DPH6: variants seen among roughly 807,000 people sequenced by gnomAD.
The protein encoded by DPH6 is diphthamine biosynthesis 6, also known as diphthine--ammonia ligase.
DPH6 carries 33 observed loss-of-function variants against 38.2 expected under a neutral mutation model. That is an observed-to-expected ratio of 0.86 (90% confidence interval 0.65 to 1.15). The LOEUF (loss-of-function observed/expected upper bound fraction) is 1.15, where lower values mean the gene tolerates loss of function less well. DPH6 is among the 50% of genes most tolerant of loss of function. The probability of loss-of-function intolerance (pLI) is 0.00; values close to 1 mark genes in which losing one functional copy is unlikely to be tolerated. For missense variants in DPH6, 325 were observed against 320.0 expected, an observed-to-expected ratio of 1.02 and a Z score of -0.12; for synonymous variants, 108 against 103.0, an observed-to-expected ratio of 1.05 and a Z score of -0.30.
intron 7 of DPH6, among the ~76,000 whole-genome samples, chr15:35,379,257 G>A (rs1020947341): frequency 1.3e-5 from 2 of 152,062 alleles, no homozygotes; most frequent in African/African-American, 4.8e-5. Flanking sequence ...AAATAAGTCT[G>A]CATGTAAAAT....
At chr15:35,392,615 G>A (rs142610197) in intron 6 of DPH6, among the ~76,000 whole-genome samples, 37 of 152,322 alleles carry the variant, frequency 2.4e-4, no homozygotes, top group African/African-American at 7.9e-4. Context: ...AAAAATGGGA[G>A]CAGCCATGTA....
At chr15:35,506,934 T>C (rs2054702207) in intron 3 of DPH6, among the ~76,000 whole-genome samples, 1 of 137,936 alleles carries the variant, frequency 7.2e-6, no homozygotes, top group Admixed American at 7.6e-5. Flanking sequence ...GTGACAGTGT[T>C]AAAAAATATG....
At chr15:35,341,252 T>C (rs2052419441) in intron 3 of DPH6, among the ~76,000 whole-genome samples, 1 of 152,222 alleles carries the variant, frequency 6.6e-6, no homozygotes, top group Non-Finnish European at 1.5e-5. Context: ...CCAGAATGGC[T>C]ATTCTGGCTA....
chr15:35,489,554 T>C, intron 3 of DPH6: 1 of 983,276 alleles, frequency 1.0e-6, no homozygotes, highest in Non-Finnish European at 1.2e-6. Context: ...TCTATATCTT[T>C]CTCATGTTTA....
At chr15:35,289,045 T>C (rs904140846) in intron 3 of DPH6, among the ~76,000 whole-genome samples, 10 of 152,210 alleles carry the variant, frequency 6.6e-5, no homozygotes, top group African/African-American at 2.4e-4. Context: ...GACTGTTGGA[T>C]ACCTGTATTC....
intron 3 of DPH6, among the ~76,000 whole-genome samples, chr15:35,293,450 C>G (rs1398082903): frequency 6.6e-6 from 1 of 152,186 alleles, no homozygotes; most frequent in African/African-American, 2.4e-5. Context: ...TTCCAACACT[C>G]TGAGCAGGAG....
the DPH6 span, among the ~76,000 whole-genome samples, chr15:35,147,430 T>G: frequency 6.6e-6 from 1 of 152,180 alleles, no homozygotes; most frequent in Non-Finnish European, 1.5e-5. Flanking sequence ...GCCTTCAGGG[T>G]TCTTCAATCT....
At chr15:35,261,507 T>A (rs534006192) in intron 3 of DPH6, among the ~76,000 whole-genome samples, 1 of 151,740 alleles carries the variant, frequency 6.6e-6, no homozygotes, top group African/African-American at 2.4e-5. Flanking sequence ...TGATGTCTCA[T>A]GATGGAGTAG....
chr15:35,339,188 AT>A (rs1284094189), intron 3 of DPH6, among the ~76,000 whole-genome samples: 2 of 151,444 alleles, frequency 1.3e-5, no homozygotes, highest in Non-Finnish European at 2.9e-5. Flanking sequence ...ATAATAAAAA[AT>A]ATATATATAA....
chr15:35,317,362 G>A (rs2052200271), intron 3 of DPH6, among the ~76,000 whole-genome samples: 1 of 140,492 alleles, frequency 7.1e-6, no homozygotes, highest in African/African-American at 2.6e-5. Context: ...AAGAGAGAAA[G>A]AAAGAAAGAA....
intron 3 of DPH6, among the ~76,000 whole-genome samples, chr15:35,461,072 C>T (rs1189063856): frequency 6.6e-6 from 1 of 152,020 alleles, no homozygotes; most frequent in African/African-American, 2.4e-5. Flanking sequence ...TCTCAGAATA[C>T]TTATTTATTT....
chr15:35,185,422 G>A, the DPH6 span, among the ~76,000 whole-genome samples: 1 of 152,162 alleles, frequency 6.6e-6, no homozygotes, highest in Non-Finnish European at 1.5e-5. Context: ...GGACAGAGAA[G>A]TGCTTTAGAT....
At chr15:35,529,539 C>T (rs1051613050) in intron 3 of DPH6, among the ~76,000 whole-genome samples, 1 of 152,064 alleles carries the variant, frequency 6.6e-6, no homozygotes, top group South Asian at 2.1e-4. Flanking sequence ...CCTTCTGATC[C>T]CCCAAATGGG....
At chr15:35,509,210 T>G (rs75106741) in intron 3 of DPH6, among the ~76,000 whole-genome samples, 461 of 152,320 alleles carry the variant, frequency 3.0e-3, no homozygotes, top group Non-Finnish European at 5.8e-3. Context: ...GAGTCCTCTA[T>G]TTTCTTCCCA....
intron 3 of DPH6, among the ~76,000 whole-genome samples, chr15:35,265,182 C>A (rs1474116531): frequency 6.6e-6 from 1 of 151,556 alleles, no homozygotes; most frequent in East Asian, 1.9e-4. Flanking sequence ...AACTTCAAAT[C>A]AAATCTAGAA....
chr15:35,512,601 A>G (rs1329495625), intron 3 of DPH6, among the ~76,000 whole-genome samples: 1 of 152,044 alleles, frequency 6.6e-6, no homozygotes, highest in African/African-American at 2.4e-5. Context: ...GCCCTAACAT[A>G]TATTTCTTTG....
intron 6 of DPH6, among the ~76,000 whole-genome samples, chr15:35,403,668 T>G (rs1427965352): frequency 2.0e-5 from 3 of 151,916 alleles, no homozygotes; most frequent in Non-Finnish European, 4.4e-5. Flanking sequence ...CCACCATGCT[T>G]GGCTAGTTTT....
chr15:35,281,298 A>C (rs1483475601), intron 3 of DPH6, among the ~76,000 whole-genome samples: 1 of 152,196 alleles, frequency 6.6e-6, no homozygotes, highest in African/African-American at 2.4e-5. Context: ...AAAACTATAA[A>C]CATAATGAAA....
chr15:35,375,895 C>G (rs1446022395), intron 7 of DPH6, among the ~76,000 whole-genome samples: 3 of 152,120 alleles, frequency 2.0e-5, no homozygotes, highest in Non-Finnish European at 4.4e-5. Flanking sequence ...AAAAGGACAA[C>G]TACGCTAAGC....
Sources: gnomAD v4.1 joint callset for allele counts (sites outside exome capture counted in the v4.1 genomes callset) on GRCh38, gnomAD v4.1.1 for gene constraint, MANE v1.5 for transcripts, NCBI Gene and HGNC (gene_info 2026-07-23, HGNC 2026-07-21) for gene names.